DLG2: variants seen among roughly 807,000 people sequenced by gnomAD.
The protein encoded by DLG2 is discs large MAGUK scaffold protein 2.
A neutral mutation model predicts 132.5 loss-of-function variants in DLG2; 45 were observed. The ratio of observed to expected loss-of-function variants is 0.34; its 90% CI spans 0.27 to 0.44. The LOEUF (loss-of-function observed/expected upper bound fraction) is 0.44, where lower values mean the gene tolerates loss of function less well. DLG2 is among the 20% of genes least tolerant of loss of function. The pLI is 1.00. For synonymous variants in DLG2, 424 were observed against 419.6 expected (o/e 1.01, Z -0.13); for missense variants, 1,045 against 1,196.9 (o/e 0.87, Z 1.87).
intron 6 of DLG2, among the ~76,000 whole-genome samples, chr11:84,717,722 G>C (rs554093595): frequency 2.9e-4 from 44 of 152,136 alleles, no homozygotes; most frequent in African/African-American, 1.0e-3. Context: ...AACAGTGGGA[G>C]CAGTTTCTCC....
intron 6 of DLG2, among the ~76,000 whole-genome samples, chr11:84,677,227 G>C (rs924055546): frequency 1.3e-5 from 2 of 151,986 alleles, no homozygotes; most frequent in Admixed American, 6.6e-5. Flanking sequence ...ACTTCCTTTT[G>C]ATTCGTATCA....
At chr11:83,723,317 T>G (rs2089182714) in intron 18 of DLG2, among the ~76,000 whole-genome samples, 1 of 151,930 alleles carries the variant, frequency 6.6e-6, no homozygotes, top group Non-Finnish European at 1.5e-5. Context: ...GAGGCGGAGG[T>G]TGCAGTGAGC....
chr11:84,875,607 T>G (rs1170766405), intron 6 of DLG2, among the ~76,000 whole-genome samples: 1 of 152,188 alleles, frequency 6.6e-6, no homozygotes, highest in Non-Finnish European at 1.5e-5. Context: ...TAATTCACTT[T>G]AGGTTTTTTG....
chr11:84,606,363 T>A (rs1044288340), intron 6 of DLG2, among the ~76,000 whole-genome samples: 1 of 152,108 alleles, frequency 6.6e-6, no homozygotes. Context: ...GTCACTGTTA[T>A]GCAAAATAAA....
chr11:84,467,550 A>G (rs1235901211), intron 7 of DLG2, among the ~76,000 whole-genome samples: 1 of 151,374 alleles, frequency 6.6e-6, no homozygotes. Flanking sequence ...TCAAAATAAA[A>G]GTTGGGAGAA....
intron 3 of DLG2, among the ~76,000 whole-genome samples, chr11:85,301,496 A>G (rs1389968975): frequency 2.0e-5 from 3 of 152,192 alleles, no homozygotes; most frequent in Non-Finnish European, 4.4e-5. Flanking sequence ...CAAAGCGTTG[A>G]ATGGACCAAT....
intron 18 of DLG2, among the ~76,000 whole-genome samples, chr11:83,706,507 C>G (rs183375579): frequency 6.6e-6 from 1 of 152,298 alleles, no homozygotes; most frequent in East Asian, 1.9e-4. Flanking sequence ...CCCAGGAAAG[C>G]AGAGCTTGAA....
At position 84,016,169 on chromosome 11, in the gene DLG2, A is replaced by G. The variant is rs114525755; in HGVS notation, c.920-35527T>C. ...CTTTTTTTTCATGTTTGTTGGCCAC[A>G]CCTCTGTCTTCCTTTGAGAAATGTC... On this transcript the variant is annotated intron_variant, in intron 11 of 27. Transcript: ENST00000376104. Among the ~76,000 whole-genome samples, 675 of 150,728 alleles carry G rather than the reference A, an allele frequency of 4.5e-3. 1 individual carries two copies. Among genetic ancestry groups the G allele is most frequent in the African/African-American group, 0.016 (652 of 41,028 alleles).
intron 4 of DLG2, among the ~76,000 whole-genome samples, chr11:85,234,394 G>C: frequency 6.6e-6 from 1 of 151,968 alleles, no homozygotes; most frequent in Admixed American, 6.6e-5. Flanking sequence ...CACAGAAAGA[G>C]TGTTTGTTAT....
chr11:83,724,839 A>G, intron 18 of DLG2: 1 of 702,432 alleles, frequency 1.4e-6, no homozygotes, highest in Non-Finnish European at 2.6e-6. Context: ...GTCTGAGAAA[A>G]GCAGCATGAT....
intron 6 of DLG2, among the ~76,000 whole-genome samples, chr11:85,026,127 A>T (rs1444051797): frequency 6.6e-6 from 1 of 152,170 alleles, no homozygotes; most frequent in Non-Finnish European, 1.5e-5. Context: ...ATATTTGAAC[A>T]TAAGAAAGTT....
At chr11:84,062,023 A>G (rs1331289600) in intron 10 of DLG2, among the ~76,000 whole-genome samples, 1 of 152,206 alleles carries the variant, frequency 6.6e-6, no homozygotes, top group East Asian at 1.9e-4. Context: ...AATACTAATT[A>G]TATCTTAAAA....
chr11:84,019,031 T>C (rs1483874372), intron 11 of DLG2, among the ~76,000 whole-genome samples: 2 of 152,076 alleles, frequency 1.3e-5, no homozygotes, highest in African/African-American at 4.8e-5. Flanking sequence ...AGAAGTGTTC[T>C]GGTAGCTGGC....
At chr11:84,801,875 G>T (rs778889660) in intron 6 of DLG2, among the ~76,000 whole-genome samples, 1 of 152,116 alleles carries the variant, frequency 6.6e-6, no homozygotes, top group Non-Finnish European at 1.5e-5. Flanking sequence ...GACAAATTTG[G>T]TATTGAGAAC....
chr11:84,333,198 T>C (rs2154402299), intron 7 of DLG2, among the ~76,000 whole-genome samples: 1 of 152,338 alleles, frequency 6.6e-6, no homozygotes, highest in Non-Finnish European at 1.5e-5. Flanking sequence ...GAAAGGTCTT[T>C]TGGAAATTGC....
chr11:84,237,702 T>C (rs2097175434), intron 8 of DLG2, among the ~76,000 whole-genome samples: 1 of 152,052 alleles, frequency 6.6e-6, no homozygotes, highest in East Asian at 1.9e-4. Flanking sequence ...AAGTGACAAC[T>C]GAGGGGAAGT....
intron 19 of DLG2, among the ~76,000 whole-genome samples, chr11:83,545,755 G>A (rs543871625): frequency 1.3e-5 from 2 of 152,116 alleles, no homozygotes; most frequent in Admixed American, 6.6e-5. Context: ...TTCTTTCCAC[G>A]AGCTCTATTG....
chr11:84,111,798 A>G (rs1183993110), intron 9 of DLG2, among the ~76,000 whole-genome samples: 1 of 152,168 alleles, frequency 6.6e-6, no homozygotes, highest in Non-Finnish European at 1.5e-5. Context: ...GAACAGCATG[A>G]GTACGGCACA....
At chr11:84,243,013 C>CTATATA in intron 8 of DLG2, among the ~76,000 whole-genome samples, 1 of 144,516 alleles carries the variant, frequency 6.9e-6, no homozygotes, top group South Asian at 2.3e-4. Flanking sequence ...CTCTCTCTCT[C>CTATATA]TCTCTATATA....
Sources: gnomAD v4.1 joint callset for allele counts (sites outside exome capture counted in the v4.1 genomes callset) on GRCh38, gnomAD v4.1.1 for gene constraint, MANE v1.5 for transcripts, NCBI Gene and HGNC (gene_info 2026-07-23, HGNC 2026-07-21) for gene names.